Variants in GOLM2 observed in about 807,000 individuals in gnomAD.
The protein encoded by GOLM2 is golgi membrane protein 2.
In GOLM2, 26 loss-of-function variants were observed where a neutral mutation model predicts 55.9. The ratio of observed to expected loss-of-function variants is 0.47; its 90% CI spans 0.34 to 0.65. The LOEUF is 0.65. Ranked by LOEUF, GOLM2 falls within the 30% of genes least tolerant of loss-of-function variation. The pLI, the probability that GOLM2 is intolerant of heterozygous loss-of-function variation, is 0.01. For missense variants in GOLM2, 486 were observed against 531.8 expected (o/e 0.91, Z 0.85); for synonymous variants, 165 against 194.6 (o/e 0.85, Z 1.27).
chr15:44,407,007 T>C lies in GOLM2; in HGVS notation c.1240+3953T>C, dbSNP rs149572163. On this transcript the variant is annotated intron_variant, in intron 9 of 9. Coordinates refer to ENST00000299957, the MANE Select transcript of GOLM2 (RefSeq NM_138423.4). ...TAGAGTGTTTTGTAGAATTGAGGCC[T>C]ATTTTTCCTGTGTTTACAATTATTT... 337 of 150,208 alleles carry C rather than the reference T, an allele frequency of 2.2e-3. 1 individual carries two copies. The highest frequency in any genetic ancestry group is 7.9e-3 in the African/African-American group (325 of 41,188). 9.3% of individuals were successfully genotyped at this position (150,208 alleles called of 1,614,324 possible). A position where few individuals can be genotyped will look rare whatever the true frequency, so the allele number is the denominator to read the frequency against.
At chr15:44,403,672 T>C (rs2079580454) in intron 9 of GOLM2, among the ~76,000 whole-genome samples, 1 of 152,210 alleles carries the variant, frequency 6.6e-6, no homozygotes, top group Non-Finnish European at 1.5e-5. Flanking sequence ...AGACTTTACC[T>C]AAGGCAAATG....
chr15:44,326,980 G>A (rs1296841234), intron 2 of GOLM2, among the ~76,000 whole-genome samples: 2 of 141,480 alleles, frequency 1.4e-5, no homozygotes, highest in South Asian at 2.2e-4. Flanking sequence ...TTTTTGTCTC[G>A]CTCTGTCACT....
In GOLM2 at chr15:44,288,917, C is replaced by A; in HGVS notation, c.-113C>A. On this transcript the variant is annotated 5_prime_UTR_variant, in exon 1 of 10. Coordinates refer to ENST00000299957, the MANE Select transcript of GOLM2 (RefSeq NM_138423.4). Reference sequence around the variant, plus strand: ...TCGCAGCCGACCGGTAAGCCCGCCTCCTCCCTCGGCCGGCCCTGGGGCCGT... The same window carrying A: ...TCGCAGCCGACCGGTAAGCCCGCCTACTCCCTCGGCCGGCCCTGGGGCCGT... 1 of 981,788 alleles carries A rather than the reference C, an allele frequency of 1.0e-6. No homozygotes were observed. The highest frequency in any genetic ancestry group is 2.6e-5 in the East Asian group (1 of 38,292). 60.8% of individuals were successfully genotyped at this position (981,788 alleles called of 1,614,324 possible).
Position 44,289,809 on chromosome 15 carries a change from A to G in GOLM2, c.327+453A>G, listed in dbSNP as rs546988131. Among the ~76,000 whole-genome samples the G allele has an allele frequency of 1.8e-4, 27 of 152,320 alleles. No individual in the cohort carries two copies. Among genetic ancestry groups the G allele is most frequent in the Non-Finnish European group, 3.2e-4 (22 of 68,030 alleles). On this transcript the variant is annotated intron_variant, in intron 1 of 9. Coordinates refer to ENST00000299957, the MANE Select transcript of GOLM2 (RefSeq NM_138423.4). This position sits in a 1 kb window ranked among gnomAD's most constrained non-coding sequence, Gnocchi z 4.8. ...GACTCCTCTACTTATGGTAGTCATC[A>G]TATATTTTTTAAGCTGTGTGACTTT... is the stretch of plus-strand genomic sequence containing the variant.
Position 44,337,808 on chromosome 15 carries a change from A to G in GOLM2, c.622A>G (p.Ile208Val). The G allele has an allele frequency of 1.9e-6, 3 of 1,601,372 alleles. No homozygotes were observed. Among genetic ancestry groups the G allele is most frequent in the Non-Finnish European group, 1.7e-6 (2 of 1,177,104 alleles). The change falls in exon 5 of 10, where the codon ATA (isoleucine) becomes GTA (valine). Residue 208 changes from isoleucine (I) to valine (V), a missense_variant. Ile to Val is a conservative substitution (Grantham distance 29). Transcript: ENST00000299957. ...IQSNDGKELD[I>V]NNQVVPKNIP... The stretch of plus-strand genomic sequence containing the variant: ...ATCAAATGATGGAAAGGAATTGGAT[A>G]TAAACAATCAAGTAGTACCTAAAAA...
intron 1 of GOLM2, among the ~76,000 whole-genome samples, chr15:44,291,355 GA>G (rs975181684): frequency 6.6e-6 from 1 of 151,682 alleles, no homozygotes; most frequent in Non-Finnish European, 1.5e-5. Flanking sequence ...CTCAGTAAAG[GA>G]AAAAAAATCT....
rs1008620997 is a variant in GOLM2, at chr15:44,311,845, T to C, written c.328-11120T>C. ...TTGTATTTTTAGTATAGATGGGGTTTCACCATGTTGGCCAGAGAGATCTCG... is the reference window on the plus strand; with the variant it reads ...TTGTATTTTTAGTATAGATGGGGTTCCACCATGTTGGCCAGAGAGATCTCG... On this transcript the variant is annotated intron_variant, in intron 1 of 9. Coordinates refer to ENST00000299957, the MANE Select transcript of GOLM2 (RefSeq NM_138423.4). Among the ~76,000 whole-genome samples, 6 of 152,234 alleles carry C rather than the reference T, an allele frequency of 3.9e-5. No homozygotes were observed. The East Asian group carries it at 1.2e-3, about 29-fold the overall frequency.
intron 1 of GOLM2, among the ~76,000 whole-genome samples, chr15:44,292,932 G>A (rs767146501): frequency 3.9e-5 from 6 of 151,958 alleles, no homozygotes; most frequent in Middle Eastern, 3.4e-3. Context: ...CTCCCACCTC[G>A]GCCTCCCAAG....
intron 6 of GOLM2, among the ~76,000 whole-genome samples, chr15:44,361,524 T>A: frequency 6.6e-6 from 1 of 151,934 alleles, no homozygotes; most frequent in African/African-American, 2.4e-5. Context: ...AATAGACCAA[T>A]AACAGGAGCT....
intron 8 of GOLM2, among the ~76,000 whole-genome samples, chr15:44,394,864 T>C (rs2079514224): frequency 6.6e-6 from 1 of 152,198 alleles, no homozygotes; most frequent in Admixed American, 6.5e-5. Flanking sequence ...TGAAAGTGAA[T>C]ACTGCCAATA....
At chr15:44,396,509 G>A (rs1380676497) in intron 8 of GOLM2, among the ~76,000 whole-genome samples, 2 of 152,072 alleles carry the variant, frequency 1.3e-5, no homozygotes, top group Non-Finnish European at 1.5e-5. Flanking sequence ...CTTTGTAAAT[G>A]GAAAAGGTTA....
chr15:44,387,796 G>A (rs191313192), intron 8 of GOLM2, among the ~76,000 whole-genome samples: 29 of 151,008 alleles, frequency 1.9e-4, no homozygotes, highest in African/African-American at 6.5e-4. Context: ...ACTGATTTTT[G>A]TGTGTGTTGA....
At chr15:44,297,500 C>G (rs778757878) in intron 1 of GOLM2, among the ~76,000 whole-genome samples, 1 of 151,616 alleles carries the variant, frequency 6.6e-6, no homozygotes, top group African/African-American at 2.4e-5. Flanking sequence ...GCCTTTGTTC[C>G]TGCTGTTTGA....
chr15:44,363,151 A>G (rs1402051819), intron 6 of GOLM2, among the ~76,000 whole-genome samples: 2 of 152,206 alleles, frequency 1.3e-5, no homozygotes, highest in Non-Finnish European at 2.9e-5. Flanking sequence ...TTCATGTCTA[A>G]AACACCAAAA....
At chr15:44,370,641 C>A (rs551737526) in intron 6 of GOLM2, among the ~76,000 whole-genome samples, 4 of 152,178 alleles carry the variant, frequency 2.6e-5, no homozygotes, top group African/African-American at 9.6e-5. Flanking sequence ...GCTCCATGAC[C>A]TCTGTTATTT....
intron 4 of GOLM2, among the ~76,000 whole-genome samples, chr15:44,336,141 G>C (rs147914726): frequency 2.1e-5 from 3 of 140,022 alleles, no homozygotes; most frequent in Non-Finnish European, 4.6e-5. Context: ...CTATTTAATG[G>C]AGTGTTGCAC....
chr15:44,305,742 T>A (rs1281106761), intron 1 of GOLM2, among the ~76,000 whole-genome samples: 1 of 152,220 alleles, frequency 6.6e-6, no homozygotes, highest in East Asian at 1.9e-4. Context: ...GATTTGAAAG[T>A]AGAAATTACT....
At chr15:44,301,912 CA>C (rs879475681) in intron 1 of GOLM2, among the ~76,000 whole-genome samples, 186 of 110,964 alleles carry the variant, frequency 1.7e-3, no homozygotes, top group Admixed American at 2.9e-3. Context: ...GACCCTCTCT[CA>C]AAAAAAAAAA....
rs543415771 is a variant in GOLM2, at chr15:44,384,248, G to A, written c.1072+3272G>A. ...AAAACTCTGTACTCTCCTACCCTCA[G>A]CACCTGGCAACCGCTAATTTGCTTT... is the stretch of plus-strand genomic sequence containing the variant. On this transcript the variant is annotated intron_variant, in intron 8 of 9. Coordinates refer to ENST00000299957, the MANE Select transcript of GOLM2 (RefSeq NM_138423.4). 1.5e-4 allele frequency among the ~76,000 whole-genome samples: 23 copies of A among 152,120 alleles called. No homozygotes were observed. In the South Asian group the frequency reaches 4.6e-3, roughly 30 times the overall value.
Sources: allele counts gnomAD v4.1 joint callset (sites outside exome capture counted in the v4.1 genomes callset), GRCh38; gene constraint gnomAD v4.1.1; non-coding constraint Gnocchi (gnomAD v3.1); transcripts MANE v1.5; gene names NCBI Gene and HGNC (gene_info 2026-07-23, HGNC 2026-07-21).